The following PTPRN2 variants were observed in gnomAD, a reference collection of about 807,000 sequenced individuals.
The protein encoded by PTPRN2 is protein tyrosine phosphatase receptor type N2, also known as receptor-type tyrosine-protein phosphatase N2.
A neutral mutation model predicts 118.8 loss-of-function variants in PTPRN2; 74 were observed. The ratio of observed to expected loss-of-function variants is 0.62; its 90% CI spans 0.52 to 0.76. The LOEUF (loss-of-function observed/expected upper bound fraction) is 0.76. Among genes scored for constraint, PTPRN2 ranks in the 30% least tolerant of loss-of-function variants. The pLI, the probability that PTPRN2 is intolerant of heterozygous loss-of-function variation, is 0.00. For missense variants in PTPRN2, 1,481 were observed against 1,394.4 expected, an observed-to-expected ratio of 1.06 and a Z score of -0.99; for synonymous variants, 641 against 608.0, an observed-to-expected ratio of 1.05 and a Z score of -0.80.
At chr7:158,484,300 C>A (rs543803351) in intron 2 of PTPRN2, among the ~76,000 whole-genome samples, 5 of 152,196 alleles carry the variant, frequency 3.3e-5, no homozygotes, top group Admixed American at 6.5e-5. Context: ...CAGCCCTACA[C>A]GGCCACAACC....
chr7:157,708,420 G>A (rs11768569), intron 12 of PTPRN2, among the ~76,000 whole-genome samples: 38,968 of 152,136 alleles, frequency 0.26, 5,497 homozygotes, highest in Non-Finnish European at 0.3. Context: ...ACAGAGACTC[G>A]TTCCTTCCAC....
intron 3 of PTPRN2, among the ~76,000 whole-genome samples, chr7:158,262,580 GCACACACATTCA>G (rs1037863351): frequency 2.7e-5 from 3 of 110,112 alleles, no homozygotes; most frequent in Non-Finnish European, 5.6e-5. Flanking sequence ...TTCACACACA[GCACACACATTCA>G]CACACATTCA....
At chr7:158,069,654 C>T (rs552853038) in intron 11 of PTPRN2, among the ~76,000 whole-genome samples, 48 of 152,342 alleles carry the variant, frequency 3.2e-4, no homozygotes, top group African/African-American at 1.0e-3. Flanking sequence ...ATTCTTCTAA[C>T]CCCATGACAT....
intron 2 of PTPRN2, among the ~76,000 whole-genome samples, chr7:158,362,165 C>T (rs1410440215): frequency 6.6e-6 from 1 of 152,220 alleles, no homozygotes; most frequent in African/African-American, 2.4e-5. Context: ...ACCACCTTTC[C>T]TGGACCTCCA....
chr7:158,445,857 C>T (rs1459752899), intron 2 of PTPRN2, among the ~76,000 whole-genome samples: 1 of 152,254 alleles, frequency 6.6e-6, no homozygotes, highest in Non-Finnish European at 1.5e-5. Context: ...CTGGCAAGAC[C>T]ATGTCAGTGC....
intron 12 of PTPRN2, among the ~76,000 whole-genome samples, chr7:157,728,350 T>C (rs1799711953): frequency 6.6e-6 from 1 of 152,236 alleles, no homozygotes; most frequent in East Asian, 1.9e-4. Flanking sequence ...CGCGTGAAGA[T>C]CTTTCTCAGA....
intron 9 of PTPRN2, among the ~76,000 whole-genome samples, chr7:158,115,932 A>G (rs549122064): frequency 6.6e-6 from 1 of 152,154 alleles, no homozygotes; most frequent in East Asian, 1.9e-4. Flanking sequence ...ACCCTGTGCC[A>G]CCCTCAGATG....
At chr7:157,582,892 C>CA (rs555541438) in intron 17 of PTPRN2, among the ~76,000 whole-genome samples, 5,456 of 149,876 alleles carry the variant, frequency 0.036, 163 homozygotes, top group South Asian at 0.056. Context: ...AAAAACAAAA[C>CA]AAAAAAAACA....
intron 2 of PTPRN2, among the ~76,000 whole-genome samples, chr7:158,380,183 T>C (rs1472953869): frequency 1.3e-5 from 2 of 152,116 alleles, no homozygotes; most frequent in African/African-American, 4.8e-5. Context: ...AAACCAATCA[T>C]ATCTTCCCAA....
intron 6 of PTPRN2, among the ~76,000 whole-genome samples, chr7:158,146,585 G>T (rs149862061): frequency 6.7e-6 from 1 of 149,734 alleles, no homozygotes; most frequent in East Asian, 1.9e-4. Context: ...GCCAGGCGTG[G>T]TGGCGGGCGC....
rs534918138 is a variant in PTPRN2 at position 157,990,643 on chromosome 7, G to A, written c.1723+90655C>T. Among the ~76,000 whole-genome samples, 182 of 152,296 alleles carry A rather than the reference G, an allele frequency of 1.2e-3. No individual in the cohort carries two copies. The highest frequency in any genetic ancestry group is 4.0e-3 in the African/African-American group (167 of 41,570). On this transcript the variant is annotated intron_variant, in intron 11 of 22. Coordinates refer to ENST00000389418, the MANE Select transcript of PTPRN2 (RefSeq NM_002847.5). This position sits in a 1 kb window ranked among gnomAD's most constrained non-coding sequence, Gnocchi z 4.3. ...GGGCTCAGGGCGGTGCTGACAGTAG[G>A]ACATGCTGGTCCCCTTCCCAGTGAA...
intron 2 of PTPRN2, among the ~76,000 whole-genome samples, chr7:158,317,296 A>C (rs1311484515): frequency 6.6e-6 from 1 of 152,228 alleles, no homozygotes; most frequent in African/African-American, 2.4e-5. Context: ...ATAACATTCC[A>C]GGCCAGTTTT....
chr7:158,403,376 G>A (rs1165126277), intron 2 of PTPRN2, among the ~76,000 whole-genome samples: 1 of 152,240 alleles, frequency 6.6e-6, no homozygotes, highest in Non-Finnish European at 1.5e-5. Context: ...GCAGGCAGGA[G>A]TGGCAAGGAT....
At chr7:158,462,619 T>C (rs1160274592) in intron 2 of PTPRN2, among the ~76,000 whole-genome samples, 1 of 151,966 alleles carries the variant, frequency 6.6e-6, no homozygotes, top group East Asian at 1.9e-4. Context: ...CAAAAAGGAG[T>C]GGTTCCTCAA....
chr7:158,035,767 T>C (rs904760390), intron 11 of PTPRN2, among the ~76,000 whole-genome samples: 16 of 152,218 alleles, frequency 1.1e-4, no homozygotes, highest in African/African-American at 3.9e-4. Flanking sequence ...TTGATTTGAA[T>C]TGCTAATTAT....
chr7:158,238,435 C>T (rs1795690076), intron 3 of PTPRN2, among the ~76,000 whole-genome samples: 1 of 152,170 alleles, frequency 6.6e-6, no homozygotes, highest in Admixed American at 6.5e-5. Context: ...CACAGCAAGG[C>T]TTCTGGTCTC....
rs1209619945 is a variant in PTPRN2, at chr7:157,629,602, C to T, written c.2197-8093G>A. Among the ~76,000 whole-genome samples the T allele has an allele frequency of 6.6e-6, 1 of 152,206 alleles. No individual in the cohort carries two copies. The highest frequency in any genetic ancestry group is 1.5e-5 in the Non-Finnish European group (1 of 68,042). ...GGATGACTGGAGGCGCCCATCATCA[C>T]TCCGTGGGTCTTCGGATATGGGACG... On this transcript the variant is annotated intron_variant, in intron 14 of 22. Transcript: ENST00000389418. The surrounding 1 kb of genome is among the most constrained non-coding windows in gnomAD (Gnocchi z 4.4).
At chr7:157,649,212 A>G (rs7807459) in intron 14 of PTPRN2, among the ~76,000 whole-genome samples, 14,949 of 47,830 alleles carry the variant, frequency 0.31, 3,349 homozygotes, top group Middle Eastern at 0.44. Flanking sequence ...TCGGTGGGTC[A>G]GACCCATCCA....
At chr7:157,557,552 C>CACACA (rs1798968002) in intron 21 of PTPRN2, among the ~76,000 whole-genome samples, 8 of 149,626 alleles carry the variant, frequency 5.3e-5, no homozygotes, top group East Asian at 4.0e-4. Flanking sequence ...ACACACACTC[C>CACACA]CACACACACA....
Sources: gnomAD v4.1 joint callset for allele counts (sites outside exome capture counted in the v4.1 genomes callset) on GRCh38, gnomAD v4.1.1 for gene constraint, Gnocchi (gnomAD v3.1) non-coding constraint, MANE v1.5 for transcripts, NCBI Gene and HGNC (gene_info 2026-07-23, HGNC 2026-07-21) for gene names.